Variants in NBAS observed in about 807,000 individuals in gnomAD.
NBAS encodes NBAS subunit of NRZ tethering complex, also known as NAG/BC035112 fusion.
Under a neutral mutation model 302.5 loss-of-function variants are expected in NBAS, and 219 were observed. The ratio of observed to expected loss-of-function variants is 0.72; its 90% CI spans 0.65 to 0.81. NBAS has a LOEUF of 0.81. NBAS is among the 30% of genes least tolerant of loss of function. NBAS has a pLI of 0.00. For missense variants in NBAS, 2,932 were observed against 2,841.6 expected, an observed-to-expected ratio of 1.03 and a Z score of -0.72; for synonymous variants, 1,118 against 1,021.6, an observed-to-expected ratio of 1.09 and a Z score of -1.80.
the NBAS span, among the ~76,000 whole-genome samples, chr2:14,820,261 G>A: frequency 7.2e-5 from 11 of 152,146 alleles, no homozygotes; most frequent in African/African-American, 1.4e-4. Context: ...TGGAAGCAAC[G>A]TAAGTGTTCA....
chr2:15,316,747 G>A lies in NBAS; in HGVS notation c.4583-7500C>T, dbSNP rs192063104. Among the ~76,000 whole-genome samples the A allele has an allele frequency of 3.2e-3, 484 of 152,294 alleles. 4 individuals carry two copies. Among genetic ancestry groups the A allele is most frequent in the African/African-American group, 9.6e-3 (398 of 41,568 alleles). ...AAGCGCGAAGTGGGAGGAGCCCACCGCAGCTCAGCAAGGACTACTGCCTCT... is the reference window on the plus strand; with the variant it reads ...AAGCGCGAAGTGGGAGGAGCCCACCACAGCTCAGCAAGGACTACTGCCTCT... On this transcript the variant is annotated intron_variant, in intron 38 of 51. Transcript: ENST00000281513.
chr2:15,081,749 C>T, the NBAS span, among the ~76,000 whole-genome samples: 3 of 152,152 alleles, frequency 2.0e-5, no homozygotes, highest in South Asian at 2.1e-4. Context: ...GCCCTTAGTT[C>T]GCTGGTCAAC....
At chr2:15,146,458 AAAG>A in the NBAS span, among the ~76,000 whole-genome samples, 1 of 152,120 alleles carries the variant, frequency 6.6e-6, no homozygotes, top group African/African-American at 2.4e-5. Context: ...GGCAATTTTA[AAAG>A]AAAACTCAAT....
At chr2:15,442,306 C>G (rs1236255997) in intron 21 of NBAS, among the ~76,000 whole-genome samples, 1 of 149,042 alleles carries the variant, frequency 6.7e-6, no homozygotes, top group Non-Finnish European at 1.5e-5. Flanking sequence ...AACTATCTCT[C>G]AGACCACAGT....
At chr2:15,111,336 C>G in the NBAS span, among the ~76,000 whole-genome samples, 1 of 152,192 alleles carries the variant, frequency 6.6e-6, no homozygotes, top group East Asian at 1.9e-4. Flanking sequence ...AACTAGGTGA[C>G]AAGATACCCC....
At chr2:15,185,238 G>A (rs1665020582) in intron 50 of NBAS, among the ~76,000 whole-genome samples, 1 of 152,170 alleles carries the variant, frequency 6.6e-6, no homozygotes, top group Admixed American at 6.5e-5. Flanking sequence ...TCTCCTTACA[G>A]AAGGTGGTGA....
intron 13 of NBAS, 69 bp from the exon 14 acceptor site, chr2:15,475,949 T>C (rs1680174985): frequency 2.6e-5 from 32 of 1,243,426 alleles, no homozygotes; most frequent in Non-Finnish European, 3.6e-5. Context: ...ATATTTAGTA[T>C]AATAATCAAT....
At chr2:14,904,996 C>G in the NBAS span, among the ~76,000 whole-genome samples, 1 of 152,112 alleles carries the variant, frequency 6.6e-6, no homozygotes, top group African/African-American at 2.4e-5. Flanking sequence ...TTGCAGTGAG[C>G]CGGTCGCACC....
chr2:14,980,650 C>T, the NBAS span, among the ~76,000 whole-genome samples: 1 of 151,172 alleles, frequency 6.6e-6, no homozygotes, highest in African/African-American at 2.5e-5. Flanking sequence ...TACTGGTTAA[C>T]ACTAAATGTG....
chr2:15,285,808 C>T (rs751514407), intron 42 of NBAS, among the ~76,000 whole-genome samples: 1 of 152,134 alleles, frequency 6.6e-6, no homozygotes, highest in Non-Finnish European at 1.5e-5. Flanking sequence ...GTGCCTGCCA[C>T]CATACTCAGC....
the NBAS span, among the ~76,000 whole-genome samples, chr2:14,885,157 G>A: frequency 6.6e-6 from 1 of 152,208 alleles, no homozygotes; most frequent in African/African-American, 2.4e-5. Context: ...TTACTACTAT[G>A]TAGAGAATGG....
chr2:15,408,576 ACT>A (rs1172927140), intron 25 of NBAS, among the ~76,000 whole-genome samples: 2 of 151,246 alleles, frequency 1.3e-5, no homozygotes, highest in African/African-American at 4.9e-5. Flanking sequence ...TAAATGATAA[ACT>A]CTCTGTTTTC....
the NBAS span, among the ~76,000 whole-genome samples, chr2:15,151,038 T>A: frequency 6.6e-6 from 1 of 152,234 alleles, no homozygotes; most frequent in Non-Finnish European, 1.5e-5. Context: ...TACTTGTCAA[T>A]ATCCTCCAAT....
At chr2:15,134,388 T>C in the NBAS span, among the ~76,000 whole-genome samples, 2 of 152,114 alleles carry the variant, frequency 1.3e-5, no homozygotes, top group South Asian at 4.2e-4. Context: ...AGAAACAAAC[T>C]GCTGTTGTTT....
chr2:14,976,550 A>G, the NBAS span, among the ~76,000 whole-genome samples: 1 of 152,228 alleles, frequency 6.6e-6, no homozygotes, highest in Non-Finnish European at 1.5e-5. Flanking sequence ...TTTCCAAGTT[A>G]AGTGTATTCT....
At chr2:15,061,661 G>A in the NBAS span, among the ~76,000 whole-genome samples, 74,421 of 151,524 alleles carry the variant, frequency 0.49, 20,510 homozygotes, top group African/African-American at 0.77. Flanking sequence ...ATTGCAAACA[G>A]CTGGCTTCGC....
At position 15,539,274 on chromosome 2, in the gene NBAS, T is replaced by G; in HGVS notation, c.462A>C (p.Gly154=). The G allele has an allele frequency of 6.2e-7, 1 of 1,614,220 alleles. No homozygotes were observed. Among genetic ancestry groups the G allele is most frequent in the Non-Finnish European group, 8.5e-7 (1 of 1,180,046 alleles). ...CCATGAGATCAAACACCCTCACAGT[T>G]CCTGTGCTTTCGGCATAGGCCAGTA... is the stretch of plus-strand genomic sequence containing the variant. The part of the protein sequence containing the change: ...CTLLAYAEST[G]TVRVFDLMGS... The change falls in exon 7 of 52, where the codon GGA becomes GGC. Residue 154 remains glycine, a synonymous_variant. Coordinates refer to ENST00000281513, the MANE Select transcript of NBAS (RefSeq NM_015909.4).
intron 35 of NBAS, among the ~76,000 whole-genome samples, chr2:15,346,114 A>G (rs1368259163): frequency 6.6e-6 from 1 of 152,222 alleles, no homozygotes; most frequent in Non-Finnish European, 1.5e-5. Flanking sequence ...CTTCATGACA[A>G]AAACGCCAAA....
rs202164162 is a variant in NBAS, at chr2:15,353,542, G to A, written c.4089+11C>T. On this transcript the variant is annotated intron_variant, in intron 34 of 51. Transcript: ENST00000281513. ...CATACAGGTTAGGATTTCCTTTATC[G>A]AAGGACTTACTTCTGTCTGCAGAGA... The A allele has an allele frequency of 1.6e-5, 26 of 1,613,570 alleles. No homozygotes were observed. Among genetic ancestry groups the A allele is most frequent in the Middle Eastern group, 1.6e-4 (1 of 6,082 alleles).
Sources: gnomAD v4.1 joint callset for allele counts (sites outside exome capture counted in the v4.1 genomes callset) on GRCh38, gnomAD v4.1.1 for gene constraint, MANE v1.5 for transcripts, NCBI Gene and HGNC (gene_info 2026-07-23, HGNC 2026-07-21) for gene names.